HMCN2: variants seen among roughly 807,000 people sequenced by gnomAD.
The protein encoded by HMCN2 is hemicentin-2.
HMCN2 carries 325 observed loss-of-function variants against 377.5 expected under a neutral mutation model. The ratio of observed to expected loss-of-function variants is 0.86; its 90% CI spans 0.79 to 0.94. HMCN2 has a LOEUF of 0.94. Among genes scored for constraint, HMCN2 ranks in the 40% least tolerant of loss-of-function variants. The pLI is 0.00. For synonymous variants in HMCN2, 2,007 were observed against 2,046.8 expected (o/e 0.98, Z 0.53); for missense variants, 4,543 against 4,725.3 (o/e 0.96, Z 1.13).
Position 130,428,405 on chromosome 9 carries a change from C to T in HMCN2, c.14113C>T (p.Arg4705Cys), listed in dbSNP as rs150277852. 258 of 1,547,736 alleles carry T rather than the reference C, an allele frequency of 1.7e-4. 1 individual carries two copies. The African/African-American group carries it at 2.6e-3, about 16-fold the overall frequency. ...TGCTCACCTCTGCCGAGAGGGACAG[C>T]GCTGTGTGAACCTGCTCGGGTCCTA... ...WDAHLCREGQ[R>C]CVNLLGSYRC... The change falls in exon 93 of 98, where the codon CGC becomes TGC. Residue 4705 changes from arginine to cysteine, a missense_variant. Arg to Cys is a radical substitution (Grantham distance 180). Transcript: ENST00000683500. This position sits in a 1 kb window ranked among gnomAD's most constrained non-coding sequence, Gnocchi z 5.0.
At chr9:130,273,592 G>A (rs1443649124) in intron 1 of HMCN2, among the ~76,000 whole-genome samples, 20 of 152,018 alleles carry the variant, frequency 1.3e-4, no homozygotes, top group African/African-American at 4.6e-4. Context: ...CCGTCCCCCA[G>A]GCTCAAGCGA....
intron 84 of HMCN2, 106 bp downstream of exon 84, chr9:130,409,039 T>G: frequency 1.4e-6 from 1 of 720,556 alleles, no homozygotes; most frequent in South Asian, 1.7e-5. Context: ...TTCTGCAGTG[T>G]ACAAAGCACC....
chr9:130,306,201 C>T lies in HMCN2; in HGVS notation c.1889C>T (p.Ser630Leu). The T allele has an allele frequency of 2.1e-6, 1 of 471,118 alleles. No individual in the cohort carries two copies. Among genetic ancestry groups the T allele is most frequent in the East Asian group, 7.0e-5 (1 of 14,382 alleles). The allele number at this position is 471,118 out of a possible 1,614,324, so 29.2% of individuals were successfully genotyped here. ...SQGVEVKVSC[S>L]ASGYPTPHIS... ...GGTGTGGAGGTGAAGGTCAGCTGCT[C>T]AGCCTCTGGATACCCCACACCCCAC... Residue 630 changes from serine (S) to leucine (L), a missense_variant, in exon 12 of 98, where the codon TCA becomes TTA. Around this residue, in one of 5 missense-constraint regions of HMCN2, gnomAD observed 547 missense variants for 189.9 expected, o/e 2.88. Transcript: ENST00000683500.
intron 79 of HMCN2, 60 bp from the exon 80 acceptor site, chr9:130,403,681 C>A: frequency 7.9e-7 from 1 of 1,269,146 alleles, no homozygotes; most frequent in Non-Finnish European, 1.0e-6. Flanking sequence ...CCCAATCTGC[C>A]CACCTCGGGG....
chr9:130,384,932 G>A, intron 59 of HMCN2, 134 bp downstream of exon 59: 2 of 453,048 alleles, frequency 4.4e-6, no homozygotes, highest in Non-Finnish European at 3.9e-6. Context: ...GCACAGATCA[G>A]CTCTGAGGAG....
chr9:130,356,183 A>G lies in HMCN2; in HGVS notation c.5351A>G (p.His1784Arg). 1 of 1,303,160 alleles carries G rather than the reference A, an allele frequency of 7.7e-7. No homozygotes were observed. Among genetic ancestry groups the G allele is most frequent in the Non-Finnish European group, 1.0e-6 (1 of 988,844 alleles). The allele number at this position is 1,303,160 out of a possible 1,614,324, so 80.7% of individuals were successfully genotyped here. A position where few individuals can be genotyped will look rare whatever the true frequency, so the allele number is the denominator to read the frequency against. Reference sequence around the variant, plus strand: ...CACATTGACCATGTGGAGCTGGACCACTCAGGCCTCTTCGCCTGCCAGGCC... The same window carrying G: ...CACATTGACCATGTGGAGCTGGACCGCTCAGGCCTCTTCGCCTGCCAGGCC... ...TLHIDHVELD[H>R]SGLFACQATN... Residue 1784 changes from histidine (H) to arginine (R), a missense_variant, in exon 34 of 98, where the codon CAC becomes CGC. By Grantham distance (29) the His-to-Arg change is conservative. This residue lies in a region of HMCN2 where 1,032 missense variants were observed against 1,285.1 expected (regional missense o/e 0.80). Transcript: ENST00000683500.
rs377354774 is a variant in HMCN2, at chr9:130,266,302, G to C, written c.259+165G>C. On this transcript the variant is annotated intron_variant, in intron 1 of 97. Transcript: ENST00000683500. ...GCGCTGCGGGTACCCTGGCCACCTG[G>C]GCAGTCCTTGCAGCTGTCCCTTCCC... 6.3e-4 allele frequency among the ~76,000 whole-genome samples: 96 copies of C among 152,326 alleles called. 1 individual carries two copies. The South Asian group carries it at 0.015, about 24-fold the overall frequency.
intron 4 of HMCN2, among the ~76,000 whole-genome samples, chr9:130,292,628 C>T (rs1360107594): frequency 6.6e-6 from 1 of 152,212 alleles, no homozygotes; most frequent in Non-Finnish European, 1.5e-5. Flanking sequence ...ATTATGTGCA[C>T]ATGGATTATA....
chr9:130,395,042 C>T lies in HMCN2; in HGVS notation c.10708C>T (p.Leu3570=). 1 of 1,280,510 alleles carries T rather than the reference C, an allele frequency of 7.8e-7. No homozygotes were observed. The highest frequency in any genetic ancestry group is 1.0e-6 in the Non-Finnish European group (1 of 987,296). The allele number at this position is 1,280,510 out of a possible 1,614,324, so 79.3% of individuals were successfully genotyped here. A position where few individuals can be genotyped will look rare whatever the true frequency, so the allele number is the denominator to read the frequency against. The part of the protein sequence containing the change: ...VENVQVRDAG[L]YTCLAESPAG... ...CCATCCCCAGGTTAGGGATGCTGGG[C>T]TGTACACTTGTCTGGCTGAAAGCCC... is the stretch of plus-strand genomic sequence containing the variant. Residue 3570 remains leucine, a synonymous_variant, in exon 70 of 98, where the codon CTG becomes TTG. Transcript: ENST00000683500.
intron 53 of HMCN2, 109 bp downstream of exon 53, chr9:130,377,908 G>A (rs925978707): frequency 1.1e-5 from 9 of 847,970 alleles, no homozygotes; most frequent in South Asian, 5.4e-5. Flanking sequence ...CGCGCCACCC[G>A]TGGCATCTCC....
chr9:130,281,195 G>C (rs959298525), intron 1 of HMCN2, among the ~76,000 whole-genome samples: 1 of 152,004 alleles, frequency 6.6e-6, no homozygotes, highest in Non-Finnish European at 1.5e-5. Context: ...TTCCCTGAGA[G>C]CAGGAGTTAA....
chr9:130,324,250 C>T (rs1838005448), intron 19 of HMCN2, among the ~76,000 whole-genome samples: 1 of 152,174 alleles, frequency 6.6e-6, no homozygotes, highest in Admixed American at 6.5e-5. Context: ...CTAGGGACTT[C>T]ATAGAAGTGG....
chr9:130,402,458 G>A (rs766019773), intron 77 of HMCN2, among the ~76,000 whole-genome samples: 32 of 152,228 alleles, frequency 2.1e-4, no homozygotes, highest in Non-Finnish European at 4.1e-4. Context: ...GTGGAACTGT[G>A]AGTGGGGGAT....
chr9:130,334,125 AGG>A (rs1838579550), intron 22 of HMCN2, among the ~76,000 whole-genome samples: 1 of 152,212 alleles, frequency 6.6e-6, no homozygotes, highest in Non-Finnish European at 1.5e-5. Context: ...TGGGAAGTGC[AGG>A]TGTGTCCCAG....
chr9:130,425,021 CGAT>C lies in HMCN2; in HGVS notation c.13535_13537del (p.Met4512del). On this transcript the variant is annotated inframe_deletion, in exon 89 of 98. Coordinates refer to ENST00000683500, the MANE Select transcript of HMCN2 (RefSeq NM_001291815.2). ...GGATGGTTTGCAGGGGAGCTGCTCA[CGAT>C]GACCCAGGTGGCCCGGGGTCTGGAT... 1 of 1,547,310 alleles carries C rather than the reference CGAT, an allele frequency of 6.5e-7. No homozygotes were observed. The highest frequency in any genetic ancestry group is 8.7e-7 in the Non-Finnish European group (1 of 1,145,232).
rs1486698052 is a variant in HMCN2 at position 130,430,377 on chromosome 9, C to T, written c.14420C>T (p.Thr4807Ile). ...SYRCLCPPGQ[T>I]LLRDGKACTS... is the part of the protein sequence containing the mutation. The stretch of plus-strand genomic sequence containing the variant: ...CGCTGCCTGTGCCCCCCAGGCCAGA[C>T]CCTCCTTCGCGACGGCAAGGCCTGC... Residue 4807 changes from threonine (T) to isoleucine (I), a missense_variant, in exon 95 of 98, where the codon ACC (threonine) becomes ATC (isoleucine). Thr to Ile is a moderately conservative substitution (Grantham distance 89, BLOSUM62 -1). This residue lies in a region of HMCN2 where 1,155 missense variants were observed against 1,157.7 expected (regional missense o/e 1.00). Coordinates refer to ENST00000683500, the MANE Select transcript of HMCN2 (RefSeq NM_001291815.2). 1 of 1,549,890 alleles carries T rather than the reference C, an allele frequency of 6.5e-7. No homozygotes were observed. The highest frequency in any genetic ancestry group is 8.7e-7 in the Non-Finnish European group (1 of 1,146,970).
In HMCN2 at chr9:130,394,739, G is replaced by A. The variant is rs906740572; in HGVS notation, c.10692+164G>A. On this transcript the variant is annotated intron_variant, in intron 69 of 97. Transcript: ENST00000683500. This position sits in a 1 kb window ranked among gnomAD's most constrained non-coding sequence, Gnocchi z 5.1. ...ACCCACCTTGGCCGTGCCCTTGGGA[G>A]CTGCCAGCAGGGTCAGGGCCCAGGC... Among the ~76,000 whole-genome samples the A allele has an allele frequency of 2.0e-5, 3 of 152,336 alleles. 1 individual carries two copies.
chr9:130,301,394 T>A (rs1180109708), intron 8 of HMCN2, among the ~76,000 whole-genome samples: 4 of 152,224 alleles, frequency 2.6e-5, no homozygotes, highest in Non-Finnish European at 5.9e-5. Context: ...CAGCTCTAGA[T>A]TAAAGTTGGG....
At chr9:130,336,343 T>C (rs1405162387) in intron 22 of HMCN2, among the ~76,000 whole-genome samples, 1 of 152,186 alleles carries the variant, frequency 6.6e-6, no homozygotes, top group Non-Finnish European at 1.5e-5. Flanking sequence ...TGCAAAACTT[T>C]GTGTATTATT....
Sources: gnomAD v4.1 joint callset for allele counts (sites outside exome capture counted in the v4.1 genomes callset) on GRCh38, gnomAD v4.1.1 for gene constraint, gnomAD v4.1.1 regional missense constraint, Gnocchi (gnomAD v3.1) non-coding constraint, MANE v1.5 for transcripts, NCBI Gene and HGNC (gene_info 2026-07-23, HGNC 2026-07-21) for gene names.